Variants in FBXO4 observed in about 807,000 individuals in gnomAD.
The protein encoded by FBXO4 is F-box only protein 4.
A neutral mutation model predicts 43.7 loss-of-function variants in FBXO4; 36 were observed. The ratio of observed to expected loss-of-function variants is 0.82; its 90% CI spans 0.63 to 1.09. The LOEUF is 1.09. Ranked by LOEUF, FBXO4 falls within the 50% of genes least tolerant of loss-of-function variation. The pLI, the probability that FBXO4 is intolerant of heterozygous loss-of-function variation, is 0.00. For missense variants in FBXO4, 435 were observed against 474.1 expected, an observed-to-expected ratio of 0.92 and a Z score of 0.77; for synonymous variants, 180 against 165.6, an observed-to-expected ratio of 1.09 and a Z score of -0.67.
chr5:42,017,949 A>G, the FBXO4 span, among the ~76,000 whole-genome samples: 4,768 of 151,890 alleles, frequency 0.031, 257 homozygotes, highest in African/African-American at 0.11. Flanking sequence ...TTTCTTTTGG[A>G]TATATACTCA....
At chr5:41,978,791 T>G in the FBXO4 span, among the ~76,000 whole-genome samples, 1 of 152,234 alleles carries the variant, frequency 6.6e-6, no homozygotes, top group Non-Finnish European at 1.5e-5. Context: ...TTTATTTGAT[T>G]TAAATTTGTG....
the FBXO4 span, chr5:41,951,529 C>T: frequency 3.1e-3 from 805 of 261,546 alleles, 9 homozygotes; most frequent in African/African-American, 0.018. Context: ...GAAATTCCTC[C>T]TTGGTCACAG....
chr5:41,992,253 C>A, the FBXO4 span, among the ~76,000 whole-genome samples: 1 of 152,106 alleles, frequency 6.6e-6, no homozygotes. Context: ...ATAGTGTAAG[C>A]AGTCAATCCA....
At chr5:42,009,298 C>T in the FBXO4 span, among the ~76,000 whole-genome samples, 102 of 151,976 alleles carry the variant, frequency 6.7e-4, no homozygotes, top group African/African-American at 2.3e-3. Flanking sequence ...TTAACTCTTG[C>T]GTTCCTTTGG....
the FBXO4 span, among the ~76,000 whole-genome samples, chr5:41,981,047 C>T: frequency 6.6e-6 from 1 of 151,944 alleles, no homozygotes; most frequent in South Asian, 2.1e-4. Context: ...GAGCCTTTCC[C>T]TGTACTGTAA....
At chr5:42,007,639 T>C in the FBXO4 span, among the ~76,000 whole-genome samples, 1 of 152,170 alleles carries the variant, frequency 6.6e-6, no homozygotes, top group Non-Finnish European at 1.5e-5. Context: ...ATAGTTCTAA[T>C]GCAACATTCA....
In FBXO4 at chr5:41,929,131, T is replaced by C. The variant is rs541581407; in HGVS notation, c.426-566T>C. 3.3e-5 allele frequency among the ~76,000 whole-genome samples: 5 copies of C among 152,382 alleles called. No individual in the cohort carries two copies. In the South Asian group the frequency reaches 8.3e-4, roughly 25 times the overall value. On this transcript the variant is annotated intron_variant, in intron 2 of 6. Coordinates refer to ENST00000281623, the MANE Select transcript of FBXO4 (RefSeq NM_012176.3). ...TGTTTGTTTTTTACCTGTAGGGATA[T>C]TGTGCTAACTATCTGTGTGTAGCTT...
At chr5:41,969,900 C>G in the FBXO4 span, among the ~76,000 whole-genome samples, 3 of 152,086 alleles carry the variant, frequency 2.0e-5, no homozygotes, top group East Asian at 1.9e-4. Context: ...AGAGTGAAAT[C>G]TTGAGTTCTA....
chr5:41,942,133 A>G (rs1304693131), downstream of FBXO4, among the ~76,000 whole-genome samples: 3 of 152,050 alleles, frequency 2.0e-5, no homozygotes, highest in Non-Finnish European at 4.4e-5. Flanking sequence ...TGTAACATAT[A>G]TTATACATAT....
the FBXO4 span, among the ~76,000 whole-genome samples, chr5:42,012,187 G>T: frequency 2.6e-5 from 4 of 152,154 alleles, no homozygotes; most frequent in Non-Finnish European, 4.4e-5. Context: ...CGTCCTCAAG[G>T]ATTATTCATC....
rs572754162 is a variant in FBXO4 at position 41,938,071 on chromosome 5, A to C, written c.899-1370A>C. Among the ~76,000 whole-genome samples the C allele has an allele frequency of 3.9e-5, 6 of 152,306 alleles. No homozygotes were observed. The South Asian group carries it at 1.0e-3, about 26-fold the overall frequency. Reference sequence around the variant, plus strand: ...GCAGAAGACTATGATAACAGATGGAAATTTGCATCTACTGAAAAAGATGAA... The same window carrying C: ...GCAGAAGACTATGATAACAGATGGACATTTGCATCTACTGAAAAAGATGAA... On this transcript the variant is annotated intron_variant, in intron 5 of 6. Coordinates refer to ENST00000281623, the MANE Select transcript of FBXO4 (RefSeq NM_012176.3).
the FBXO4 span, among the ~76,000 whole-genome samples, chr5:42,030,658 G>C: frequency 6.6e-6 from 1 of 151,658 alleles, no homozygotes; most frequent in Non-Finnish European, 1.5e-5. Context: ...ACTACCATCA[G>C]AGTGAACAGG....
At chr5:41,934,448 A>C (rs1166017654) in intron 5 of FBXO4, 140 bp downstream of exon 5, 4 of 1,488,962 alleles carry the variant, frequency 2.7e-6, no homozygotes, top group Non-Finnish European at 8.9e-7. Context: ...TACTATTAAT[A>C]GTGTGTTCTC....
the FBXO4 span, among the ~76,000 whole-genome samples, chr5:42,012,817 G>A: frequency 2.6e-5 from 4 of 152,172 alleles, no homozygotes; most frequent in African/African-American, 9.7e-5. Context: ...AAGAAAAACA[G>A]GTATGATTAT....
At chr5:42,001,514 G>A in the FBXO4 span, among the ~76,000 whole-genome samples, 1 of 152,178 alleles carries the variant, frequency 6.6e-6, no homozygotes, top group Admixed American at 6.5e-5. Flanking sequence ...TTACAGGTGA[G>A]GGCCACCATG....
At chr5:41,997,833 A>G in the FBXO4 span, among the ~76,000 whole-genome samples, 2 of 152,170 alleles carry the variant, frequency 1.3e-5, no homozygotes, top group African/African-American at 2.4e-5. Flanking sequence ...AAGATTAACA[A>G]CATAAATTGT....
At chr5:41,970,096 T>A in the FBXO4 span, among the ~76,000 whole-genome samples, 2 of 152,084 alleles carry the variant, frequency 1.3e-5, no homozygotes, top group Non-Finnish European at 2.9e-5. Flanking sequence ...AGAAAATTGG[T>A]TGAAGTTTTG....
the FBXO4 span, among the ~76,000 whole-genome samples, chr5:41,955,934 C>G: frequency 6.6e-6 from 1 of 152,192 alleles, no homozygotes; most frequent in African/African-American, 2.4e-5. Context: ...TGCTCTGCTT[C>G]TTCCTAGTGA....
At chr5:42,023,958 G>T in the FBXO4 span, among the ~76,000 whole-genome samples, 2 of 151,986 alleles carry the variant, frequency 1.3e-5, no homozygotes, top group African/African-American at 2.4e-5. Flanking sequence ...GATCAGGTTT[G>T]CTGGCTGTTG....
Sources: gnomAD v4.1 joint callset for allele counts (sites outside exome capture counted in the v4.1 genomes callset) on GRCh38, gnomAD v4.1.1 for gene constraint, MANE v1.5 for transcripts, NCBI Gene and HGNC (gene_info 2026-07-23, HGNC 2026-07-21) for gene names.